Variants in DCDC1 observed in about 807,000 individuals in gnomAD.
The protein encoded by DCDC1 is doublecortin domain-containing protein 1.
Under a neutral mutation model 178.3 loss-of-function variants are expected in DCDC1, and 200 were observed. The observed-to-expected ratio is 1.12, with a 90% CI of 1.00 to 1.26. The LOEUF (loss-of-function observed/expected upper bound fraction) is 1.26. Among genes scored for constraint, DCDC1 ranks in the 50% most tolerant of loss-of-function variants. The pLI is 0.00. For missense variants in DCDC1, 1,983 were observed against 1,749.2 expected (o/e 1.13, Z -2.38); for synonymous variants, 690 against 604.8 (o/e 1.14, Z -2.07).
At chr11:31,040,152 CT>C (rs1474805697) in intron 20 of DCDC1, among the ~76,000 whole-genome samples, 1 of 151,850 alleles carries the variant, frequency 6.6e-6, no homozygotes, top group African/African-American at 2.4e-5. Flanking sequence ...AAATACAGGA[CT>C]GTAAAAATAG....
At chr11:31,068,053 T>G (rs1283468363) in intron 18 of DCDC1, among the ~76,000 whole-genome samples, 1 of 152,076 alleles carries the variant, frequency 6.6e-6, no homozygotes, top group African/African-American at 2.4e-5. Context: ...ATGTAAGAAA[T>G]TTTTCAATTA....
At chr11:30,911,139 T>G (rs191761146) in intron 28 of DCDC1, among the ~76,000 whole-genome samples, 188 bp downstream of exon 28, 91 of 152,274 alleles carry the variant, frequency 6.0e-4, no homozygotes, top group African/African-American at 2.0e-3. Context: ...ATCTGTTGGA[T>G]TAAACTAAAT....
chr11:31,162,126 T>C (rs1204161979), intron 9 of DCDC1, among the ~76,000 whole-genome samples: 1 of 152,202 alleles, frequency 6.6e-6, no homozygotes, highest in Non-Finnish European at 1.5e-5. Flanking sequence ...AATTGATTTT[T>C]AGTAAGTAAA....
chr11:31,276,551 G>A (rs982534483), intron 7 of DCDC1, among the ~76,000 whole-genome samples: 3 of 151,944 alleles, frequency 2.0e-5, no homozygotes, highest in Non-Finnish European at 2.9e-5. Flanking sequence ...AAAATGCCAT[G>A]CATAAGTCTC....
chr11:31,216,984 AT>A (rs1375853102), intron 9 of DCDC1, among the ~76,000 whole-genome samples: 1 of 152,198 alleles, frequency 6.6e-6, no homozygotes, highest in Non-Finnish European at 1.5e-5. Context: ...AAATATGTTT[AT>A]TAATTAACAT....
intron 2 of DCDC1, among the ~76,000 whole-genome samples, chr11:31,331,709 T>G (rs1366469345): frequency 6.6e-6 from 1 of 152,216 alleles, no homozygotes; most frequent in Non-Finnish European, 1.5e-5. Flanking sequence ...GAACCACCCT[T>G]GCATCCCAGG....
chr11:31,148,345 G>A (rs1178402673), intron 9 of DCDC1, among the ~76,000 whole-genome samples: 1 of 151,462 alleles, frequency 6.6e-6, no homozygotes, highest in East Asian at 1.9e-4. Context: ...TCAGGAGTTC[G>A]AGACCAGCCT....
chr11:31,277,757 ATTGT>A (rs1185826449), intron 7 of DCDC1, among the ~76,000 whole-genome samples: 1 of 151,824 alleles, frequency 6.6e-6, no homozygotes, highest in African/African-American at 2.4e-5. Context: ...TTATTTTTGT[ATTGT>A]TTGTTTTCTT....
chr11:31,326,234 G>C (rs1236294468), intron 3 of DCDC1, among the ~76,000 whole-genome samples: 1 of 152,114 alleles, frequency 6.6e-6, no homozygotes, highest in Non-Finnish European at 1.5e-5. Flanking sequence ...CGGTAGGAAA[G>C]TGTCACATGA....
chr11:31,066,086 G>T (rs1339734007), intron 18 of DCDC1, among the ~76,000 whole-genome samples: 3 of 152,072 alleles, frequency 2.0e-5, no homozygotes. Flanking sequence ...TAATATTTCA[G>T]TTATGTTAAT....
At chr11:31,141,661 C>T (rs768627373) in intron 9 of DCDC1, among the ~76,000 whole-genome samples, 24 of 152,230 alleles carry the variant, frequency 1.6e-4, no homozygotes, top group Non-Finnish European at 2.5e-4. Flanking sequence ...GATAATCAGC[C>T]TTCATATATA....
chr11:31,113,100 A>G (rs1959226273), intron 11 of DCDC1, among the ~76,000 whole-genome samples: 1 of 152,206 alleles, frequency 6.6e-6, no homozygotes, highest in African/African-American at 2.4e-5. Context: ...CAAAACTACA[A>G]TGCAAAACTA....
At chr11:31,296,614 C>T (rs1947701831) in intron 6 of DCDC1, among the ~76,000 whole-genome samples, 1 of 152,160 alleles carries the variant, frequency 6.6e-6, no homozygotes, top group South Asian at 2.1e-4. Flanking sequence ...AGTGCATTTT[C>T]ACACCACTAA....
At chr11:31,255,238 G>A (rs1053890002) in intron 8 of DCDC1, among the ~76,000 whole-genome samples, 1 of 152,106 alleles carries the variant, frequency 6.6e-6, no homozygotes, top group Non-Finnish European at 1.5e-5. Flanking sequence ...TGGCTATTAC[G>A]TATAGTGTTG....
At chr11:31,227,534 T>C (rs911790613) in intron 9 of DCDC1, among the ~76,000 whole-genome samples, 2 of 152,000 alleles carry the variant, frequency 1.3e-5, no homozygotes, top group African/African-American at 4.8e-5. Flanking sequence ...ACTATTTCAG[T>C]AGCAATGAAG....
chr11:31,357,895 C>T (rs1318264060), intron 1 of DCDC1, among the ~76,000 whole-genome samples: 1 of 151,758 alleles, frequency 6.6e-6, no homozygotes, highest in Admixed American at 6.6e-5. Context: ...TGTGAAGGAC[C>T]TCTTCAAGGA....
At chr11:31,344,856 T>A (rs1950735185) in intron 1 of DCDC1, among the ~76,000 whole-genome samples, 1 of 152,224 alleles carries the variant, frequency 6.6e-6, no homozygotes, top group Admixed American at 6.5e-5. Flanking sequence ...TAGAGTTTAA[T>A]CTTGGACAGT....
Position 30,868,187 on chromosome 11 carries a change from C to T in DCDC1, c.*41-2855G>A, listed in dbSNP as rs1056427548. 9.4e-5 allele frequency among the ~76,000 whole-genome samples: 14 copies of T among 148,840 alleles called. No individual in the cohort carries two copies. In the East Asian group the frequency reaches 2.7e-3, roughly 29 times the overall value. On this transcript the variant is annotated intron_variant, in intron 38 of 38. Coordinates refer to ENST00000684477, the MANE Select transcript of DCDC1 (RefSeq NM_001387274.1). ...GGTGAAGGTGGATTTCAAAATGGTG[C>T]TATAACTGCAATTTAGTAGAGGGGG...
At chr11:31,155,950 G>T (rs1380310741) in intron 9 of DCDC1, 2 of 152,192 alleles carry the variant, frequency 1.3e-5, no homozygotes, top group Non-Finnish European at 2.9e-5. Context: ...GGTCAGACCA[G>T]TTAATAAGAT....
Sources: allele counts gnomAD v4.1 joint callset (sites outside exome capture counted in the v4.1 genomes callset), GRCh38; gene constraint gnomAD v4.1.1; transcripts MANE v1.5; gene names NCBI Gene and HGNC (gene_info 2026-07-23, HGNC 2026-07-21).